The following PGC variants were observed in gnomAD, a reference collection of about 807,000 sequenced individuals.
PGC encodes the protein progastricsin, also known as gastricsin.
In PGC, 31 loss-of-function variants were observed where a neutral mutation model predicts 45.9. That is an observed-to-expected ratio of 0.67 (90% CI 0.51 to 0.91). PGC has a LOEUF of 0.91. Among genes scored for constraint, PGC ranks in the 40% least tolerant of loss-of-function variants. The pLI, the probability that PGC is intolerant of heterozygous loss-of-function variation, is 0.00. For synonymous variants in PGC, 192 were observed against 201.8 expected, an observed-to-expected ratio of 0.95 and a Z score of 0.41; for missense variants, 477 against 493.2, an observed-to-expected ratio of 0.97 and a Z score of 0.31.
rs987386774 is a variant in PGC, at chr6:41,740,745, T to C, written c.648-135A>G. 2.1e-6 allele frequency: 3 copies of C among 1,461,892 alleles called. No homozygotes were observed. In the African/African-American group the frequency reaches 4.3e-5, roughly 21 times the overall value. 90.6% of individuals were successfully genotyped at this position (1,461,892 alleles called of 1,614,324 possible). ...GGCTCCCTGAGGAGAGCACTGAGTCTCCCTTCAGACTGGGGCTCCCTGAGG... is the reference window on the plus strand; with the variant it reads ...GGCTCCCTGAGGAGAGCACTGAGTCCCCCTTCAGACTGGGGCTCCCTGAGG... On this transcript the variant is annotated intron_variant, in intron 5 of 8. Coordinates refer to ENST00000373025, the MANE Select transcript of PGC (RefSeq NM_002630.4).
At chr6:41,746,739 A>C (rs906348701) in intron 1 of PGC, among the ~76,000 whole-genome samples, 7 of 152,198 alleles carry the variant, frequency 4.6e-5, no homozygotes, top group Admixed American at 3.3e-4. Flanking sequence ...TAGAGAAATA[A>C]CAGGCAGGAT....
At chr6:41,747,208 G>T in intron 1 of PGC, 68 bp downstream of exon 1, 3 of 1,357,598 alleles carry the variant, frequency 2.2e-6, no homozygotes, top group Non-Finnish European at 3.2e-6. Context: ...CCCTGGCCCA[G>T]TTGCCCTTTG....
chr6:41,739,422 C>CT lies in PGC; in HGVS notation c.915+376dup, dbSNP rs756484387. Among the ~76,000 whole-genome samples the CT allele has an allele frequency of 2.8e-3, 398 of 143,180 alleles. 1 individual carries two copies. Among genetic ancestry groups the CT allele is most frequent in the Middle Eastern group, 0.011 (3 of 276 alleles). 93.9% of individuals were successfully genotyped at this position (143,180 alleles called of 152,430 possible). A position where few individuals can be genotyped will look rare whatever the true frequency, so the allele number is the denominator to read the frequency against. On this transcript the variant is annotated intron_variant, in intron 7 of 8. Transcript: ENST00000373025. ...AGAGGCTTGGAGGTCAAGAGTTAGG[C>CT]TTTTTTTTTTTTTTGAGACAGGGTC...
chr6:41,740,728 G>A, intron 5 of PGC, 118 bp from the exon 6 acceptor site: 1 of 1,477,382 alleles, frequency 6.8e-7, no homozygotes, highest in South Asian at 1.4e-5. Context: ...GGGGCTCCCT[G>A]AGGAGAGCAC....
In PGC at chr6:41,739,645, C is replaced by T. The variant is rs9471640; in HGVS notation, c.915+154G>A. On this transcript the variant is annotated intron_variant, in intron 7 of 8. Coordinates refer to ENST00000373025, the MANE Select transcript of PGC (RefSeq NM_002630.4). ...TGTTGCCCAGGCTGGTCTCAAACTC[C>T]TGGGCTCAAAAGATCTGCCTGCCTT... Among the ~76,000 whole-genome samples, 1,022 of 152,330 alleles carry T rather than the reference C, an allele frequency of 6.7e-3. 5 individuals are homozygous for T. Among genetic ancestry groups the T allele is most frequent in the Middle Eastern group, 0.051 (15 of 294 alleles).
chr6:41,747,244 T>C, intron 1 of PGC, 32 bp downstream of exon 1: 1 of 1,600,970 alleles, frequency 6.2e-7, no homozygotes, highest in South Asian at 1.1e-5. Context: ...CCATCCAGGC[T>C]CCCTGCACCA....
chr6:41,738,239 T>TATATATATGCATATATATATGC (rs1561880025), intron 7 of PGC, among the ~76,000 whole-genome samples: 11 of 49,884 alleles, frequency 2.2e-4, no homozygotes, highest in African/African-American at 5.8e-4. Context: ...TATATATATG[T>TATATATATGCATATATATATGC]ATATATATAT....
chr6:41,747,280 C>A lies in PGC; in HGVS notation c.55G>T (p.Val19Phe). ...GCAGCCAGATCCCAGACTCACTTGA[C>A]CACTGCTGCCTCCAAGAGCTGGAGG... ...VCLQLLEAAV[V>F]KVPLKKFKSI... Residue 19 changes from valine to phenylalanine, a missense_variant, in exon 1 of 9, where the codon GTC becomes TTC. Coordinates refer to ENST00000373025, the MANE Select transcript of PGC (RefSeq NM_002630.4). 1 of 1,613,792 alleles carries A rather than the reference C, an allele frequency of 6.2e-7. No homozygotes were observed. The highest frequency in any genetic ancestry group is 1.1e-5 in the South Asian group (1 of 91,074).
chr6:41,746,335 G>T (rs942986892), intron 1 of PGC, among the ~76,000 whole-genome samples: 1 of 152,310 alleles, frequency 6.6e-6, no homozygotes, highest in African/African-American at 2.4e-5. Flanking sequence ...GCTGCTAATC[G>T]CATGGCCTAG....
rs1259246086 is a variant in PGC at position 41,738,178 on chromosome 6, A to ATATATG, written c.916-351_916-350insCATATA. Among the ~76,000 whole-genome samples the ATATATG allele has an allele frequency of 7.3e-5, 2 of 27,586 alleles. 1 individual carries two copies. The highest frequency in any genetic ancestry group is 3.6e-4 in the African/African-American group (2 of 5,586). 18.1% of individuals were successfully genotyped at this position (27,586 alleles called of 152,430 possible). Reference sequence around the variant, plus strand: ...TATACATATATATGCATATATATATACATATATATATGCATATATATATGC... The same window carrying ATATATG: ...TATACATATATATGCATATATATATATATATGCATATATATATGCATATATATATGC... On this transcript the variant is annotated intron_variant, in intron 7 of 8. Coordinates refer to ENST00000373025, the MANE Select transcript of PGC (RefSeq NM_002630.4).
chr6:41,740,358 G>T, intron 6 of PGC, 133 bp downstream of exon 6: 1 of 1,181,732 alleles, frequency 8.5e-7, no homozygotes, highest in Non-Finnish European at 1.2e-6. Flanking sequence ...GGACAGTTGT[G>T]GCTTTGTAGG....
intron 7 of PGC, among the ~76,000 whole-genome samples, chr6:41,738,939 G>C (rs1010522093): frequency 3.3e-5 from 5 of 151,698 alleles, no homozygotes; most frequent in Admixed American, 6.6e-5. Flanking sequence ...CAGCCTGGGC[G>C]ACAGAGAGAG....
chr6:41,745,901 G>A (rs184615121), intron 1 of PGC, among the ~76,000 whole-genome samples: 3 of 151,414 alleles, frequency 2.0e-5, no homozygotes, highest in Non-Finnish European at 4.4e-5. Context: ...GGTAGCTCAC[G>A]CCTGTAATCC....
chr6:41,746,432 C>T (rs931723103), intron 1 of PGC, among the ~76,000 whole-genome samples: 2 of 152,220 alleles, frequency 1.3e-5, no homozygotes, highest in African/African-American at 4.8e-5. Context: ...GGAGTTGGAA[C>T]TTATAAATCA....
At chr6:41,746,573 A>G (rs1431737459) in intron 1 of PGC, among the ~76,000 whole-genome samples, 5 of 152,208 alleles carry the variant, frequency 3.3e-5, no homozygotes, top group Non-Finnish European at 7.3e-5. Context: ...ATTCTGCTTA[A>G]TCCCCATTCC....
chr6:41,739,173 T>C (rs1490354625), intron 7 of PGC, among the ~76,000 whole-genome samples: 1 of 152,194 alleles, frequency 6.6e-6, no homozygotes, highest in Non-Finnish European at 1.5e-5. Flanking sequence ...GCTCACATAC[T>C]CAGCCCCACA....
Position 41,741,007 on chromosome 6 carries a change from G to T in PGC, c.648-397C>A, listed in dbSNP as rs879633567. The stretch of plus-strand genomic sequence containing the variant: ...CCCGAATGATGCTGACTTCTGGGGG[G>T]TCCCCTAGTGGTTGGGACCCCCAGC... On this transcript the variant is annotated intron_variant, in intron 5 of 8. Coordinates refer to ENST00000373025, the MANE Select transcript of PGC (RefSeq NM_002630.4). 2.6e-6 allele frequency: 4 copies of T among 1,535,128 alleles called. No homozygotes were observed. In the Admixed American group the frequency reaches 5.9e-5, roughly 23 times the overall value.
In PGC at chr6:41,744,583, G is replaced by C; in HGVS notation, c.211-69C>G. 2 of 1,586,728 alleles carry C rather than the reference G, an allele frequency of 1.3e-6. No homozygotes were observed. The highest frequency in any genetic ancestry group is 1.7e-5 in the Admixed American group (1 of 58,758). On this transcript the variant is annotated intron_variant, in intron 2 of 8. Coordinates refer to ENST00000373025, the MANE Select transcript of PGC (RefSeq NM_002630.4). The surrounding 1 kb of genome is among the most constrained non-coding windows in gnomAD (Gnocchi z 4.4). ...GGCCCCAGGCTCCTCCATGGGCAGA[G>C]GAGTGAAGGGACCTGCCCCTTCCCT... is the stretch of plus-strand genomic sequence containing the variant.
intron 6 of PGC, 69 bp downstream of exon 6, chr6:41,740,422 G>A (rs1310285576): frequency 6.5e-7 from 1 of 1,547,784 alleles, no homozygotes; most frequent in Non-Finnish European, 8.7e-7. Flanking sequence ...GACTGTGTGT[G>A]TGTGTGACAT....
Sources: allele counts gnomAD v4.1 joint callset (sites outside exome capture counted in the v4.1 genomes callset), GRCh38; gene constraint gnomAD v4.1.1; non-coding constraint Gnocchi (gnomAD v3.1); transcripts MANE v1.5; gene names NCBI Gene and HGNC (gene_info 2026-07-23, HGNC 2026-07-21).